The following SPATA17 variants were observed in gnomAD, a reference collection of about 807,000 sequenced individuals.
SPATA17 encodes spermatogenesis-associated protein 17.
SPATA17 carries 53 observed loss-of-function variants against 62.2 expected under a neutral mutation model. The observed-to-expected ratio is 0.85, with a 90% CI of 0.68 to 1.07. SPATA17 has a LOEUF of 1.07. Among genes scored for constraint, SPATA17 ranks in the 50% least tolerant of loss-of-function variants. The probability of loss-of-function intolerance (pLI) is 0.00; values close to 1 mark genes in which losing one functional copy is unlikely to be tolerated. For missense variants in SPATA17, 466 were observed against 425.5 expected, an observed-to-expected ratio of 1.10 and a Z score of -0.84; for synonymous variants, 146 against 146.8, an observed-to-expected ratio of 0.99 and a Z score of 0.04.
At chr1:217,699,364 A>AT (rs1671538930) in intron 5 of SPATA17, among the ~76,000 whole-genome samples, 1 of 152,094 alleles carries the variant, frequency 6.6e-6, no homozygotes, top group Non-Finnish European at 1.5e-5. Flanking sequence ...CTTCACCAGT[A>AT]TTTATTATTT....
intron 3 of SPATA17, among the ~76,000 whole-genome samples, chr1:217,660,293 C>T (rs564798399): frequency 2.0e-5 from 3 of 152,286 alleles, no homozygotes; most frequent in East Asian, 1.9e-4. Context: ...CTCACTGATA[C>T]ATTTGTTTAT....
At chr1:217,664,638 C>G (rs568147621) in intron 3 of SPATA17, among the ~76,000 whole-genome samples, 165 of 151,992 alleles carry the variant, frequency 1.1e-3, no homozygotes, top group Non-Finnish European at 2.0e-3. Context: ...GGGAGGGCAA[C>G]AAGGAGAGAT....
rs143891910 is a variant in SPATA17 at position 217,756,721 on chromosome 1, G to T, written c.519+14623G>T. 9.6e-3 allele frequency among the ~76,000 whole-genome samples: 1,466 copies of T among 152,276 alleles called. 10 individuals carry two copies. The highest frequency in any genetic ancestry group is 0.013 in the Non-Finnish European group (892 of 68,026). On this transcript the variant is annotated intron_variant, in intron 6 of 10. Transcript: ENST00000366933. ...GCCCTCTCACAGGAAGTGAAGCAAGGCTTCATGGGTCCTTATGGACACTTC... is the reference window on the plus strand; with the variant it reads ...GCCCTCTCACAGGAAGTGAAGCAAGTCTTCATGGGTCCTTATGGACACTTC...
intron 9 of SPATA17, among the ~76,000 whole-genome samples, chr1:217,816,965 T>A (rs17676279): frequency 0.032 from 4,868 of 152,186 alleles, 101 homozygotes; most frequent in Non-Finnish European, 0.048. Flanking sequence ...TTCTCATAAC[T>A]CAGCTATTCT....
At chr1:217,766,680 T>TA (rs1491030280) in intron 6 of SPATA17, among the ~76,000 whole-genome samples, 3 of 151,410 alleles carry the variant, frequency 2.0e-5, no homozygotes, top group Non-Finnish European at 4.4e-5. Flanking sequence ...TCCCTTTTTT[T>TA]AAAAAAATGT....
intron 3 of SPATA17, among the ~76,000 whole-genome samples, chr1:217,656,305 T>C (rs1376289486): frequency 6.6e-6 from 1 of 152,206 alleles, no homozygotes; most frequent in Non-Finnish European, 1.5e-5. Flanking sequence ...AAAAATACTT[T>C]TAAGAGTTCA....
chr1:217,721,418 G>A (rs1038306775), intron 5 of SPATA17, among the ~76,000 whole-genome samples: 11 of 152,046 alleles, frequency 7.2e-5, no homozygotes, highest in Admixed American at 6.6e-4. Flanking sequence ...TAGGAGTTCT[G>A]CTGGCATCTG....
At chr1:217,672,301 C>T (rs997143269) in intron 4 of SPATA17, among the ~76,000 whole-genome samples, 1 of 152,142 alleles carries the variant, frequency 6.6e-6, no homozygotes, top group African/African-American at 2.4e-5. Context: ...GTGATTTAAA[C>T]ATGAATGGCG....
Position 217,782,291 on chromosome 1 carries a change from G to C in SPATA17, c.841G>C (p.Glu281Gln). 1 of 1,609,944 alleles carries C rather than the reference G, an allele frequency of 6.2e-7. No homozygotes were observed. The highest frequency in any genetic ancestry group is 2.2e-5 in the East Asian group (1 of 44,744). ...GTTGGCCAGAGAGGAGCTCAGAAGA[G>C]AGGAATGGCTGCAAAATGTAAATGA... ...LKLAREELRR[E>Q]EWLQNVNDNM... Residue 281 changes from glutamate to glutamine, a missense_variant, in exon 8 of 11, where the codon GAG (glutamate) becomes CAG (glutamine). Transcript: ENST00000366933.
chr1:217,690,466 ATTTTTTAT>A (rs1294654684), intron 5 of SPATA17, among the ~76,000 whole-genome samples: 3 of 31,654 alleles, frequency 9.5e-5, no homozygotes, highest in East Asian at 4.9e-4. Flanking sequence ...ATTTTATTTT[ATTTTTTAT>A]TTTTTTTTTT....
chr1:217,686,377 A>G (rs1254223436), intron 5 of SPATA17, among the ~76,000 whole-genome samples: 4 of 152,116 alleles, frequency 2.6e-5, no homozygotes, highest in Non-Finnish European at 5.9e-5. Flanking sequence ...ACATTTAAAT[A>G]TATCTAATGT....
intron 6 of SPATA17, among the ~76,000 whole-genome samples, chr1:217,761,187 C>T (rs1442885486): frequency 2.6e-5 from 4 of 152,188 alleles, no homozygotes; most frequent in Admixed American, 2.0e-4. Flanking sequence ...CTCGAAACCT[C>T]CTTTGGCCTT....
intron 5 of SPATA17, among the ~76,000 whole-genome samples, chr1:217,721,201 G>T (rs1342516178): frequency 1.3e-5 from 2 of 152,046 alleles, no homozygotes; most frequent in African/African-American, 4.8e-5. Context: ...ATTTACTTTG[G>T]CTTAATACAG....
chr1:217,746,702 A>G (rs1365809109), intron 6 of SPATA17, among the ~76,000 whole-genome samples: 1 of 151,918 alleles, frequency 6.6e-6, no homozygotes, highest in Non-Finnish European at 1.5e-5. Flanking sequence ...AAAAGCTATC[A>G]CTAATTTTTG....
At chr1:217,773,964 A>T (rs1673523839) in intron 6 of SPATA17, among the ~76,000 whole-genome samples, 3 of 152,208 alleles carry the variant, frequency 2.0e-5, no homozygotes, top group Admixed American at 6.5e-5. Flanking sequence ...TGTATGACTT[A>T]CACGTATAGT....
At chr1:217,656,546 A>ATATGTATGTATGTATGTATG (rs34179742) in intron 3 of SPATA17, among the ~76,000 whole-genome samples, 6 of 150,508 alleles carry the variant, frequency 4.0e-5, no homozygotes, top group South Asian at 2.1e-4. Flanking sequence ...TAGGTCTGAT[A>ATATGTATGTATGTATGTATG]TATGTATGTA....
chr1:217,646,266 T>A (rs1392054259), intron 1 of SPATA17, among the ~76,000 whole-genome samples: 4 of 152,170 alleles, frequency 2.6e-5, no homozygotes, highest in African/African-American at 9.7e-5. Flanking sequence ...TTTGTGAGGT[T>A]TTTACTTATG....
chr1:217,862,273 T>C (rs1420741531), intron 9 of SPATA17, among the ~76,000 whole-genome samples: 1 of 152,188 alleles, frequency 6.6e-6, no homozygotes, highest in Non-Finnish European at 1.5e-5. Flanking sequence ...GTTTCACTGG[T>C]TACACAACAA....
At chr1:217,775,827 T>C (rs542593919) in intron 7 of SPATA17, among the ~76,000 whole-genome samples, 16 of 152,214 alleles carry the variant, frequency 1.1e-4, no homozygotes, top group African/African-American at 3.6e-4. Flanking sequence ...TAAAGTAATT[T>C]ACAAATATAT....
Sources: gnomAD v4.1 joint callset for allele counts (sites outside exome capture counted in the v4.1 genomes callset) on GRCh38, gnomAD v4.1.1 for gene constraint, MANE v1.5 for transcripts, NCBI Gene and HGNC (gene_info 2026-07-23, HGNC 2026-07-21) for gene names.